Variants in GPHN observed in about 807,000 individuals in gnomAD.
GPHN encodes the protein gephyrin.
GPHN carries 17 observed loss-of-function variants against 95.5 expected under a neutral mutation model. The observed-to-expected ratio is 0.18, with a 90% CI of 0.12 to 0.27. GPHN has a LOEUF of 0.27. Among genes scored for constraint, GPHN ranks in the 10% least tolerant of loss-of-function variants. The probability of loss-of-function intolerance (pLI) is 1.00; values close to 1 mark genes in which losing one functional copy is unlikely to be tolerated. For synonymous variants in GPHN, 320 were observed against 322.5 expected, an observed-to-expected ratio of 0.99 and a Z score of 0.08; for missense variants, 660 against 978.1, an observed-to-expected ratio of 0.67 and a Z score of 4.34.
chr14:67,611,514 G>A, the GPHN span, among the ~76,000 whole-genome samples: 1 of 151,996 alleles, frequency 6.6e-6, no homozygotes, highest in Non-Finnish European at 1.5e-5. Flanking sequence ...TGATCCACCT[G>A]CCTCAGCCTC....
chr14:67,201,742 G>C, the GPHN span: 1 of 337,578 alleles, frequency 3.0e-6, no homozygotes, highest in African/African-American at 2.2e-5. Flanking sequence ...GAGGGGCACA[G>C]TTTGGGTAAG....
At chr14:67,365,322 T>C in the GPHN span, among the ~76,000 whole-genome samples, 10 of 152,218 alleles carry the variant, frequency 6.6e-5, no homozygotes, top group Non-Finnish European at 1.3e-4. Context: ...TACTAGTTCA[T>C]TTACATTGGT....
At chr14:67,473,764 C>A in the GPHN span, 1 of 1,613,762 alleles carries the variant, frequency 6.2e-7, no homozygotes, top group Middle Eastern at 1.7e-4. The surrounding 1 kb of genome is among the most constrained non-coding windows in gnomAD (Gnocchi z 6.5). Flanking sequence ...ATGGAGGTGC[C>A]GTAGATGAAG....
At chr14:67,182,382 G>C (rs1318327791), downstream of GPHN, among the ~76,000 whole-genome samples, 8 of 152,236 alleles carry the variant, frequency 5.3e-5, no homozygotes, top group East Asian at 1.2e-3. Flanking sequence ...TGTAAAATGT[G>C]CTCAGGAAAG....
In GPHN at chr14:66,694,490, G is replaced by A. The variant is rs542074855; in HGVS notation, c.143+13305G>A. On this transcript the variant is annotated intron_variant, in intron 2 of 22. Coordinates refer to ENST00000478722, the MANE Select transcript of GPHN (RefSeq NM_020806.5). ...GCAAAGATAGTTTTTTTAACAAATG[G>A]TGCTGGAACACCTGGACATCTGCAT... Among the ~76,000 whole-genome samples the A allele has an allele frequency of 2.6e-4, 39 of 152,260 alleles. No individual in the cohort carries two copies. In the South Asian group the frequency reaches 8.1e-3, roughly 32 times the overall value.
the GPHN span, among the ~76,000 whole-genome samples, chr14:67,549,456 C>T: frequency 2.6e-3 from 394 of 151,842 alleles, 3 homozygotes; most frequent in Non-Finnish European, 3.2e-3. Context: ...TTTTTAGTAG[C>T]GACGGGGTTT....
intron 4 of GPHN, among the ~76,000 whole-genome samples, chr14:66,847,508 G>C (rs2062386104): frequency 6.6e-6 from 1 of 151,986 alleles, no homozygotes; most frequent in African/African-American, 2.4e-5. Flanking sequence ...TGTTTCCTTT[G>C]TGTGAAAGTT....
At chr14:67,111,561 C>A (rs1219342533) in intron 14 of GPHN, among the ~76,000 whole-genome samples, 2 of 151,862 alleles carry the variant, frequency 1.3e-5, no homozygotes, top group African/African-American at 4.8e-5. Flanking sequence ...TAAACAAATT[C>A]TATATAATGT....
the GPHN span, among the ~76,000 whole-genome samples, chr14:67,283,152 T>C: frequency 6.6e-6 from 1 of 152,140 alleles, no homozygotes; most frequent in African/African-American, 2.4e-5. Flanking sequence ...ATACTATTAG[T>C]GTGAAGAAGG....
At chr14:66,581,085 A>G (rs1007669643) in intron 1 of GPHN, among the ~76,000 whole-genome samples, 3 of 151,870 alleles carry the variant, frequency 2.0e-5, no homozygotes, top group Non-Finnish European at 4.4e-5. Context: ...AAATGCAGAA[A>G]AAGCATTAGA....
At chr14:67,319,610 T>TAA in the GPHN span, among the ~76,000 whole-genome samples, 23 of 128,620 alleles carry the variant, frequency 1.8e-4, no homozygotes, top group African/African-American at 4.1e-4. Flanking sequence ...GCTGATGAGC[T>TAA]AAAAAAAAAA....
the GPHN span, among the ~76,000 whole-genome samples, chr14:67,722,181 C>T: frequency 6.6e-6 from 1 of 152,122 alleles, no homozygotes; most frequent in Non-Finnish European, 1.5e-5. Context: ...TGGGAGTTTC[C>T]TTCCCATCCT....
chr14:66,957,391 T>A (rs2153582611), intron 8 of GPHN, among the ~76,000 whole-genome samples: 1 of 151,988 alleles, frequency 6.6e-6, no homozygotes, highest in Non-Finnish European at 1.5e-5. Flanking sequence ...AGATGGGGTT[T>A]TGCCGTGTTG....
At chr14:67,346,869 A>T in the GPHN span, among the ~76,000 whole-genome samples, 1 of 152,218 alleles carries the variant, frequency 6.6e-6, no homozygotes, top group Admixed American at 6.5e-5. Context: ...CTAATCAGTG[A>T]ATTCATATTC....
At chr14:66,892,890 G>A (rs1487545226) in intron 5 of GPHN, among the ~76,000 whole-genome samples, 1 of 152,112 alleles carries the variant, frequency 6.6e-6, no homozygotes, top group African/African-American at 2.4e-5. Flanking sequence ...AATGGTAAAG[G>A]TTATGTTATG....
chr14:67,595,083 G>A, the GPHN span, among the ~76,000 whole-genome samples: 1 of 152,024 alleles, frequency 6.6e-6, no homozygotes, highest in African/African-American at 2.4e-5. Flanking sequence ...CTTGCAGTGA[G>A]CCGAGATCGC....
chr14:66,887,027 A>G (rs772424113), intron 5 of GPHN, among the ~76,000 whole-genome samples: 18 of 152,166 alleles, frequency 1.2e-4, no homozygotes, highest in Non-Finnish European at 2.1e-4. Flanking sequence ...CTCACAGTAA[A>G]TATTAGAGGA....
At position 66,856,136 on chromosome 14, in the gene GPHN, T is replaced by C. The variant is rs531687835; in HGVS notation, c.295-23803T>C. On this transcript the variant is annotated intron_variant, in intron 4 of 22. Transcript: ENST00000478722. ...ATTCAGTAAAATATGCGAGGCCTTATAACAGTTCAAATGTAAGGCAACTAA... is the reference window on the plus strand; with the variant it reads ...ATTCAGTAAAATATGCGAGGCCTTACAACAGTTCAAATGTAAGGCAACTAA... Among the ~76,000 whole-genome samples the C allele has an allele frequency of 3.9e-5, 6 of 152,290 alleles. No individual in the cohort carries two copies. The South Asian group carries it at 8.3e-4, about 21-fold the overall frequency.
At chr14:67,328,027 TTCTAGTTCTA>T in the GPHN span, among the ~76,000 whole-genome samples, 1 of 152,336 alleles carries the variant, frequency 6.6e-6, no homozygotes, top group South Asian at 2.1e-4. Context: ...CAAATGGTAT[TTCTAGTTCTA>T]GATCCTTGAG....
Sources: allele counts gnomAD v4.1 joint callset (sites outside exome capture counted in the v4.1 genomes callset), GRCh38; gene constraint gnomAD v4.1.1; non-coding constraint Gnocchi (gnomAD v3.1); transcripts MANE v1.5; gene names NCBI Gene and HGNC (gene_info 2026-07-23, HGNC 2026-07-21).